The following ALKBH3 variants were observed in gnomAD, a reference collection of about 807,000 sequenced individuals.
ALKBH3 encodes alkB homolog 3, alpha-ketoglutarate dependent dioxygenase, also known as alpha-ketoglutarate-dependent dioxygenase alkB homolog 3.
In ALKBH3, 51 loss-of-function variants were observed where a neutral mutation model predicts 43.9. The ratio of observed to expected loss-of-function variants is 1.16; its 90% confidence interval spans 0.93 to 1.47. The LOEUF (loss-of-function observed/expected upper bound fraction) is 1.47, where lower values mean the gene tolerates loss of function less well. Among genes scored for constraint, ALKBH3 ranks in the 40% most tolerant of loss-of-function variants. The probability of loss-of-function intolerance (pLI) is 0.00; values close to 1 mark genes in which losing one functional copy is unlikely to be tolerated. For synonymous variants in ALKBH3, 102 were observed against 115.2 expected, an observed-to-expected ratio of 0.89 and a Z score of 0.73; for missense variants, 361 against 351.9, an observed-to-expected ratio of 1.03 and a Z score of -0.21.
chr11:43,886,801 C>T (rs945098233), intron 5 of ALKBH3, 148 bp downstream of exon 5: 21 of 801,088 alleles, frequency 2.6e-5, no homozygotes, highest in East Asian at 1.3e-4. Context: ...ATGTCCTTTG[C>T]GGGAACATGG....
At chr11:43,896,666 A>C (rs182552695) in intron 7 of ALKBH3, among the ~76,000 whole-genome samples, 147 of 152,330 alleles carry the variant, frequency 9.7e-4, no homozygotes, top group African/African-American at 3.3e-3. Context: ...CAATCCAATC[A>C]AGTTGACATT....
At chr11:43,898,129 A>T in intron 7 of ALKBH3, 1 of 1,152,346 alleles carries the variant, frequency 8.7e-7, no homozygotes, top group Non-Finnish European at 1.3e-6. Context: ...CGTGGTGGGC[A>T]TCCCTGATAA....
chr11:43,901,274 T>C (rs1444109980), intron 7 of ALKBH3, among the ~76,000 whole-genome samples: 2 of 152,234 alleles, frequency 1.3e-5, no homozygotes, highest in African/African-American at 2.4e-5. Context: ...CTCATGATAT[T>C]GCTGTACTAA....
At chr11:43,885,533 A>G (rs1237600408) in intron 4 of ALKBH3, among the ~76,000 whole-genome samples, 1 of 152,240 alleles carries the variant, frequency 6.6e-6, no homozygotes, top group African/African-American at 2.4e-5. Flanking sequence ...CGTGTTCTCT[A>G]TAACGTGTCT....
chr11:43,881,161 A>G lies in ALKBH3; in HGVS notation c.-89A>G, dbSNP rs1951708131. 6.6e-6 allele frequency: 1 copy of G among 152,298 alleles called. No individual in the cohort carries two copies. The highest frequency in any genetic ancestry group is 6.5e-5 in the Admixed American group (1 of 15,284). 9.4% of individuals were successfully genotyped at this position (152,298 alleles called of 1,614,324 possible). On this transcript the variant is annotated 5_prime_UTR_variant, in exon 1 of 10. Transcript: ENST00000302708. ...AAGTGACTGCCCTGTTTACTGAGGA[A>G]AAACTGGGGCTCAGAAAGGTGAAGT...
intron 8 of ALKBH3, among the ~76,000 whole-genome samples, chr11:43,909,099 G>A (rs1351880108): frequency 6.6e-6 from 1 of 152,194 alleles, no homozygotes; most frequent in Non-Finnish European, 1.5e-5. Flanking sequence ...ATCTGTATGT[G>A]CCAAGTAAAC....
At chr11:43,919,237 TA>T in intron 9 of ALKBH3, 101 bp downstream of exon 9, 2 of 1,010,878 alleles carry the variant, frequency 2.0e-6, no homozygotes, top group Non-Finnish European at 3.1e-6. Context: ...AAGCTGCTTT[TA>T]CAACGAGCAA....
intron 8 of ALKBH3, chr11:43,909,850 G>C (rs1774903712): frequency 6.6e-6 from 1 of 152,186 alleles, no homozygotes; most frequent in Admixed American, 6.5e-5. Flanking sequence ...ACAGATTCAG[G>C]AATGAGTTGT....
At chr11:43,888,716 C>T (rs971553594) in intron 5 of ALKBH3, among the ~76,000 whole-genome samples, 17 of 152,194 alleles carry the variant, frequency 1.1e-4, no homozygotes, top group African/African-American at 3.4e-4. Context: ...TAACTAGATA[C>T]GGCTTCAGGT....
intron 4 of ALKBH3, among the ~76,000 whole-genome samples, chr11:43,884,443 C>A (rs1457285624): frequency 6.7e-6 from 1 of 150,096 alleles, no homozygotes; most frequent in African/African-American, 2.5e-5. Context: ...AGCTTACAGT[C>A]CATTTATTAA....
chr11:43,896,418 T>C (rs1043672307), intron 7 of ALKBH3, among the ~76,000 whole-genome samples: 6 of 152,084 alleles, frequency 3.9e-5, no homozygotes, highest in Non-Finnish European at 4.4e-5. Context: ...ACTGAAGAAC[T>C]TGGAGTCCGA....
intron 7 of ALKBH3, among the ~76,000 whole-genome samples, chr11:43,893,012 A>C (rs559393081): frequency 6.6e-6 from 1 of 152,296 alleles, no homozygotes; most frequent in South Asian, 2.1e-4. Context: ...TCTGAGGTTG[A>C]TTTTGAAACG....
chr11:43,909,720 G>C (rs1199678216), intron 8 of ALKBH3: 2 of 152,196 alleles, frequency 1.3e-5, no homozygotes, highest in Admixed American at 1.3e-4. Context: ...TCCACCCTCT[G>C]TCTGATCCTT....
Position 43,892,025 on chromosome 11 carries a change from GTA to G in ALKBH3, c.371-14_371-13del. The G allele has an allele frequency of 6.3e-7, 1 of 1,594,054 alleles. No individual in the cohort carries two copies. Among genetic ancestry groups the G allele is most frequent in the Non-Finnish European group, 8.6e-7 (1 of 1,162,006 alleles). ...TAGCATTAAACCATTTCAAAGGCCT[GTA>G]TTTTCTTTCTTAGATATAACTTATC... is the stretch of plus-strand genomic sequence containing the variant. On this transcript the variant is annotated splice_polypyrimidine_tract_variant and intron_variant, in intron 6 of 9. Coordinates refer to ENST00000302708, the MANE Select transcript of ALKBH3 (RefSeq NM_139178.4).
intron 4 of ALKBH3, among the ~76,000 whole-genome samples, chr11:43,884,825 C>A (rs1313382374): frequency 6.6e-6 from 1 of 152,182 alleles, no homozygotes. Flanking sequence ...AATCAAAACT[C>A]ACTGTAGCCT....
chr11:43,899,302 G>A (rs997756754), intron 7 of ALKBH3: 34 of 701,242 alleles, frequency 4.8e-5, no homozygotes, highest in African/African-American at 1.4e-4. Flanking sequence ...CCACGTGGCC[G>A]GGCCTCTGCA....
intron 4 of ALKBH3, among the ~76,000 whole-genome samples, chr11:43,884,726 C>T (rs112734654): frequency 3.3e-5 from 5 of 152,184 alleles, no homozygotes; most frequent in African/African-American, 9.6e-5. Context: ...TAGAAAAAGT[C>T]GCAGGCTAAT....
At chr11:43,893,478 T>C (rs1465721326) in intron 7 of ALKBH3, among the ~76,000 whole-genome samples, 1 of 152,268 alleles carries the variant, frequency 6.6e-6, no homozygotes, top group Non-Finnish European at 1.5e-5. Context: ...AAATAATTTA[T>C]GACAATCCTT....
chr11:43,915,924 C>T (rs1171077945), intron 8 of ALKBH3, among the ~76,000 whole-genome samples: 1 of 152,132 alleles, frequency 6.6e-6, no homozygotes, highest in Non-Finnish European at 1.5e-5. Flanking sequence ...ACAGGAAGAC[C>T]ACATAAACTT....
Sources: gnomAD v4.1 joint callset for allele counts (sites outside exome capture counted in the v4.1 genomes callset) on GRCh38, gnomAD v4.1.1 for gene constraint, MANE v1.5 for transcripts, NCBI Gene and HGNC (gene_info 2026-07-23, HGNC 2026-07-21) for gene names.